The following ADGRV1 variants were observed in gnomAD, a reference collection of about 807,000 sequenced individuals.
ADGRV1 encodes adhesion G protein-coupled receptor V1, also known as G-protein coupled receptor 98.
A neutral mutation model predicts 596.2 loss-of-function variants in ADGRV1; 359 were observed. That is an observed-to-expected ratio of 0.60 (90% confidence interval 0.55 to 0.66). The LOEUF is 0.66. Ranked by LOEUF, ADGRV1 falls within the 30% of genes least tolerant of loss-of-function variation. The pLI, the probability that ADGRV1 is intolerant of heterozygous loss-of-function variation, is 0.00. For missense variants in ADGRV1, 7,274 were observed against 7,575.6 expected (o/e 0.96, Z 1.48); for synonymous variants, 2,681 against 2,679.2 (o/e 1.00, Z -0.02).
intron 5 of ADGRV1, among the ~76,000 whole-genome samples, chr5:90,623,113 T>C (rs1033183499): frequency 1.3e-5 from 2 of 152,250 alleles, no homozygotes; most frequent in African/African-American, 4.8e-5. Context: ...AAGTTCCTTG[T>C]ATAATAAACA....
chr5:90,970,230 C>T (rs1218950831), intron 84 of ADGRV1, among the ~76,000 whole-genome samples: 1 of 152,178 alleles, frequency 6.6e-6, no homozygotes, highest in Admixed American at 6.5e-5. Context: ...AGCAGGGAAG[C>T]TCGTACTGGG....
At chr5:90,849,783 A>G (rs1766300285) in intron 79 of ADGRV1, among the ~76,000 whole-genome samples, 1 of 152,220 alleles carries the variant, frequency 6.6e-6, no homozygotes, top group Non-Finnish European at 1.5e-5. Context: ...TAAAATAATA[A>G]TGATACAAAT....
intron 55 of ADGRV1, among the ~76,000 whole-genome samples, chr5:90,755,437 G>A (rs1259432582): frequency 6.6e-6 from 1 of 152,080 alleles, no homozygotes; most frequent in Non-Finnish European, 1.5e-5. Flanking sequence ...GAATTTTGAA[G>A]CACTGAATTT....
At chr5:90,737,797 AT>A (rs1424040036) in intron 50 of ADGRV1, among the ~76,000 whole-genome samples, 1 of 151,566 alleles carries the variant, frequency 6.6e-6, no homozygotes, top group Non-Finnish European at 1.5e-5. Flanking sequence ...CCATTCCTTC[AT>A]TTTCACTTTA....
rs1409929471 is a variant in ADGRV1, at chr5:90,790,915, T to G, written c.14086T>G (p.Phe4696Val). The G allele has an allele frequency of 5.6e-6, 9 of 1,611,784 alleles. No homozygotes were observed. Among genetic ancestry groups the G allele is most frequent in the Non-Finnish European group, 6.8e-6 (8 of 1,179,690 alleles). The change falls in exon 70 of 90, where the codon TTT (phenylalanine) becomes GTT (valine). Residue 4696 changes from phenylalanine to valine, a missense_variant. Physicochemically the swap from Phe to Val is conservative, Grantham distance 50. Transcript: ENST00000405460. ...TAGTGAGTTTGACATTACTGAAGAC[T>G]TTCTTTCCACCAGTGGATTTTTCAC... ...LSSEFDITEDFLSTSGFFTIA... is the reference protein window; with the variant it reads ...LSSEFDITEDVLSTSGFFTIA...
intron 85 of ADGRV1, among the ~76,000 whole-genome samples, chr5:90,992,210 C>T (rs1781026450): frequency 6.6e-6 from 1 of 152,220 alleles, no homozygotes; most frequent in African/African-American, 2.4e-5. Context: ...ATCCTTAAAA[C>T]ATGATTCAAA....
At chr5:90,968,277 A>G (rs1778652216) in intron 84 of ADGRV1, among the ~76,000 whole-genome samples, 1 of 152,234 alleles carries the variant, frequency 6.6e-6, no homozygotes, top group Non-Finnish European at 1.5e-5. Context: ...TTCTAAAAGT[A>G]GAGTAAATTC....
intron 7 of ADGRV1, 83 bp from the exon 8 acceptor site, chr5:90,628,479 G>A: frequency 8.6e-7 from 1 of 1,160,774 alleles, no homozygotes. Flanking sequence ...AGTGTCTAAT[G>A]GACAACTTGA....
At chr5:90,952,044 CAGATGTAAAATAAATAAA>C (rs1777103814) in intron 83 of ADGRV1, among the ~76,000 whole-genome samples, 1 of 152,180 alleles carries the variant, frequency 6.6e-6, no homozygotes, top group African/African-American at 2.4e-5. Context: ...GGAATTTCTA[CAGATGTAAAATAAATAAA>C]AGTTGTATGT....
At chr5:91,007,215 C>A (rs770437812) in intron 85 of ADGRV1, among the ~76,000 whole-genome samples, 2 of 152,218 alleles carry the variant, frequency 1.3e-5, no homozygotes, top group Non-Finnish European at 2.9e-5. Flanking sequence ...TGGAAGGGGC[C>A]ATGCAAGTGA....
Position 90,628,841 on chromosome 5 carries a change from C to G in ADGRV1, c.1509+9C>G. On this transcript the variant is annotated intron_variant, in intron 8 of 89. Transcript: ENST00000405460. ...TGAGCGAGCCAGCGGAGGTATAACCCTTGTTATGCTTTATGCTTGTTAATA... is the reference window on the plus strand; with the variant it reads ...TGAGCGAGCCAGCGGAGGTATAACCGTTGTTATGCTTTATGCTTGTTAATA... The G allele has an allele frequency of 6.2e-7, 1 of 1,611,072 alleles. No homozygotes were observed. The highest frequency in any genetic ancestry group is 1.7e-5 in the Admixed American group (1 of 59,770).
intron 85 of ADGRV1, among the ~76,000 whole-genome samples, chr5:91,053,268 G>T (rs1439149569): frequency 6.6e-6 from 1 of 152,154 alleles, no homozygotes; most frequent in Non-Finnish European, 1.5e-5. Flanking sequence ...AATGATATAT[G>T]TCACTCAGTC....
intron 1 of ADGRV1, among the ~76,000 whole-genome samples, chr5:90,582,264 G>A (rs920523971): frequency 6.6e-6 from 1 of 151,982 alleles, no homozygotes; most frequent in African/African-American, 2.4e-5. Context: ...TTGCCTCAAT[G>A]ATCTGTCTAA....
intron 84 of ADGRV1, among the ~76,000 whole-genome samples, chr5:90,970,103 A>G (rs548891841): frequency 1.2e-3 from 182 of 152,352 alleles, no homozygotes; most frequent in African/African-American, 3.8e-3. Context: ...GGAGGGTCCC[A>G]CGCCCACGGA....
intron 89 of ADGRV1, among the ~76,000 whole-genome samples, chr5:91,157,204 G>A (rs1796546437): frequency 6.6e-6 from 1 of 152,128 alleles, no homozygotes; most frequent in Non-Finnish European, 1.5e-5. Flanking sequence ...AAAACAGTGG[G>A]CCTTCCATGT....
intron 77 of ADGRV1, among the ~76,000 whole-genome samples, chr5:90,834,516 G>T (rs141094119): frequency 3.3e-5 from 5 of 152,044 alleles, no homozygotes; most frequent in African/African-American, 1.2e-4. Flanking sequence ...ATGTATGGGA[G>T]CTCCACTCTA....
At chr5:90,770,887 A>G (rs964666029) in intron 59 of ADGRV1, among the ~76,000 whole-genome samples, 3 of 152,184 alleles carry the variant, frequency 2.0e-5, no homozygotes, top group African/African-American at 7.2e-5. Flanking sequence ...TTATTCTTAC[A>G]CAAATGGAAT....
intron 77 of ADGRV1, among the ~76,000 whole-genome samples, chr5:90,840,238 C>A (rs1484290275): frequency 6.6e-6 from 1 of 152,072 alleles, no homozygotes; most frequent in African/African-American, 2.4e-5. Context: ...CCTCCTTTTC[C>A]TGCATACTTA....
chr5:90,932,185 G>A (rs1281509855), intron 83 of ADGRV1, among the ~76,000 whole-genome samples: 1 of 152,124 alleles, frequency 6.6e-6, no homozygotes, highest in Non-Finnish European at 1.5e-5. Context: ...TGAGTTCTCA[G>A]GGCTGTGAAT....
Sources: allele counts gnomAD v4.1 joint callset (sites outside exome capture counted in the v4.1 genomes callset), GRCh38; gene constraint gnomAD v4.1.1; transcripts MANE v1.5; gene names NCBI Gene and HGNC (gene_info 2026-07-23, HGNC 2026-07-21).